Variants in FGGY observed in about 807,000 individuals in gnomAD.
The protein encoded by FGGY is FGGY carbohydrate kinase domain containing.
Under a neutral mutation model 71.3 loss-of-function variants are expected in FGGY, and 72 were observed. The ratio of observed to expected loss-of-function variants is 1.01; its 90% CI spans 0.84 to 1.23. The LOEUF (loss-of-function observed/expected upper bound fraction) is 1.23. Ranked by LOEUF, FGGY falls within the 50% of genes most tolerant of loss-of-function variation. FGGY has a pLI of 0.00. For synonymous variants in FGGY, 251 were observed against 250.3 expected, an observed-to-expected ratio of 1.00 and a Z score of -0.02; for missense variants, 668 against 682.3, an observed-to-expected ratio of 0.98 and a Z score of 0.23.
chr1:59,618,812 G>A (rs981328607), intron 9 of FGGY, among the ~76,000 whole-genome samples: 4 of 151,848 alleles, frequency 2.6e-5, no homozygotes, highest in African/African-American at 9.7e-5. Flanking sequence ...AGTCTCTCAG[G>A]GGCATGGGAG....
At chr1:59,357,139 G>A (rs933216023) in intron 4 of FGGY, among the ~76,000 whole-genome samples, 9 of 152,196 alleles carry the variant, frequency 5.9e-5, no homozygotes, top group East Asian at 5.8e-4. Flanking sequence ...TACACAGAAT[G>A]TTGAGGCTGA....
chr1:59,502,178 C>T (rs1358096872), intron 6 of FGGY, among the ~76,000 whole-genome samples: 1 of 152,192 alleles, frequency 6.6e-6, no homozygotes, highest in Non-Finnish European at 1.5e-5. Flanking sequence ...CAAGCCTGTC[C>T]ACCCCCTAAC....
intron 9 of FGGY, among the ~76,000 whole-genome samples, chr1:59,616,825 T>C (rs1371958405): frequency 6.6e-6 from 1 of 152,092 alleles, no homozygotes; most frequent in Non-Finnish European, 1.5e-5. Flanking sequence ...ATGTATTATC[T>C]AATTAATATT....
At chr1:59,729,052 G>A (rs2097989045) in intron 14 of FGGY, among the ~76,000 whole-genome samples, 1 of 151,938 alleles carries the variant, frequency 6.6e-6, no homozygotes, top group African/African-American at 2.4e-5. Flanking sequence ...TGGGTGTCCT[G>A]GGTGTTTCCC....
chr1:59,707,430 A>AG (rs1305084485), intron 14 of FGGY, among the ~76,000 whole-genome samples: 2 of 152,198 alleles, frequency 1.3e-5, no homozygotes, highest in Non-Finnish European at 2.9e-5. Context: ...TGTGTTTCTC[A>AG]GGGTGAACAG....
At position 59,584,776 on chromosome 1, in the gene FGGY, A is replaced by G. The variant is rs1166726837; in HGVS notation, c.904-23027A>G. Among the ~76,000 whole-genome samples the G allele has an allele frequency of 4.4e-4, 66 of 150,116 alleles. 4 individuals carry two copies. Among genetic ancestry groups the G allele is most frequent in the Non-Finnish European group, 7.8e-4 (53 of 67,940 alleles). ...GAATGTATATCTAGAAAACCCCATC[A>G]TCTCAGCCCAAAATCTCCTTAAGCT... On this transcript the variant is annotated intron_variant, in intron 8 of 15. Transcript: ENST00000303721.
chr1:59,592,503 C>T (rs1240691119), intron 8 of FGGY, among the ~76,000 whole-genome samples: 3 of 152,098 alleles, frequency 2.0e-5, no homozygotes, highest in Non-Finnish European at 1.5e-5. Context: ...TATTGCTGCA[C>T]TATTCACAAT....
chr1:59,563,537 G>T (rs1020913541), intron 8 of FGGY, among the ~76,000 whole-genome samples: 1 of 152,088 alleles, frequency 6.6e-6, no homozygotes, highest in African/African-American at 2.4e-5. Context: ...AAGGAAATAA[G>T]AGAGGACACA....
In FGGY at chr1:59,638,276, G is replaced by GA. The variant is rs1478403158; in HGVS notation, c.1124dup (p.Ala376GlyfsTer10). ...TGAACAGTCACCTGGATCTGATTAA[G>GA]AAGGCTCAGCCTGTGGGTTTCCTTA... On this transcript the variant is annotated frameshift_variant, in exon 11 of 16. Transcript: ENST00000303721. LOFTEE classifies it high-confidence loss of function. 3.1e-6 allele frequency: 5 copies of GA among 1,614,072 alleles called. No homozygotes were observed. The highest frequency in any genetic ancestry group is 4.2e-6 in the Non-Finnish European group (5 of 1,180,036).
At chr1:59,379,848 C>A (rs150444785) in intron 5 of FGGY, among the ~76,000 whole-genome samples, 3,325 of 151,748 alleles carry the variant, frequency 0.022, 110 homozygotes, top group African/African-American at 0.076. Flanking sequence ...TGTGCACAAC[C>A]TGCAGGTTTG....
Position 59,615,647 on chromosome 1 carries a change from A to G in FGGY, c.1011+7737A>G, listed in dbSNP as rs192130823. Among the ~76,000 whole-genome samples, 167 of 152,260 alleles carry G rather than the reference A, an allele frequency of 1.1e-3. 1 individual carries two copies. The highest frequency in any genetic ancestry group is 3.4e-3 in the Middle Eastern group (1 of 294). ...CAACAAAAGCCAAAATTGACAAATG[A>G]GATCTCATTAAACTAAAGAGCTTCT... On this transcript the variant is annotated intron_variant, in intron 9 of 15. Transcript: ENST00000303721.
At chr1:59,591,344 C>T (rs867147862) in intron 8 of FGGY, among the ~76,000 whole-genome samples, 19 of 152,250 alleles carry the variant, frequency 1.2e-4, no homozygotes, top group South Asian at 4.2e-4. Context: ...GAATCAGTAT[C>T]GTGAAAATGG....
intron 6 of FGGY, among the ~76,000 whole-genome samples, chr1:59,473,429 C>G (rs561278294): frequency 7.8e-4 from 119 of 152,296 alleles, no homozygotes; most frequent in African/African-American, 2.8e-3. Flanking sequence ...TAACACTCAC[C>G]GTGAGGGTCC....
rs1261200840 is a variant in FGGY, at chr1:59,582,955, T to C, written c.904-24848T>C. 2.0e-5 allele frequency among the ~76,000 whole-genome samples: 3 copies of C among 147,446 alleles called. 1 individual carries two copies. The highest frequency in any genetic ancestry group is 5.2e-5 in the African/African-American group (2 of 38,150). ...TTGAAGGCTCTCCCATGCTTGAGGA[T>C]CCAAAGGAGTTTACCATTTTGTAAT... On this transcript the variant is annotated intron_variant, in intron 8 of 15. Coordinates refer to ENST00000303721, the MANE Select transcript of FGGY (RefSeq NM_018291.5).
chr1:59,582,822 C>A (rs756501888), intron 8 of FGGY, among the ~76,000 whole-genome samples: 8 of 150,298 alleles, frequency 5.3e-5, no homozygotes, highest in Non-Finnish European at 1.0e-4. Flanking sequence ...CACACAAAGT[C>A]AGCTTTCAGG....
Position 59,456,992 on chromosome 1 carries a change from T to TA in FGGY, c.587dup (p.Tyr196Ter). 1 of 1,614,072 alleles carries TA rather than the reference T, an allele frequency of 6.2e-7. No homozygotes were observed. The change falls in exon 6 of 16, where the codon TAT (tyrosine) becomes TAAT (stop). Residue 196 changes from tyrosine (Y) to a stop codon, truncating the protein, a stop_gained and frameshift_variant. Transcript: ENST00000303721. LOFTEE classifies it high-confidence loss of function. ...SLCSLVCKWT[Y>*]SAEKGWDDSF... Reference sequence around the variant, plus strand: ...CTGCTCCCTGGTGTGTAAGTGGACATATTCAGCAGAGAAAGGCTGGGACGA... The same window carrying TA: ...CTGCTCCCTGGTGTGTAAGTGGACATAATTCAGCAGAGAAAGGCTGGGACGA...
In FGGY at chr1:59,460,827, C is replaced by G. The variant is rs963489777; in HGVS notation, c.670+3751C>G. On this transcript the variant is annotated intron_variant, in intron 6 of 15. Coordinates refer to ENST00000303721, the MANE Select transcript of FGGY (RefSeq NM_018291.5). Reference sequence around the variant, plus strand: ...CAGCAAATTCCACTTTATGAAAATTCCTGCAGCTGAGGAACCTGGCTGTTA... The same window carrying G: ...CAGCAAATTCCACTTTATGAAAATTGCTGCAGCTGAGGAACCTGGCTGTTA... Among the ~76,000 whole-genome samples the G allele has an allele frequency of 3.9e-5, 6 of 152,302 alleles. No individual in the cohort carries two copies. The South Asian group carries it at 8.3e-4, about 21-fold the overall frequency.
At chr1:59,642,625 CAA>C (rs1250512969) in intron 11 of FGGY, among the ~76,000 whole-genome samples, 67 of 57,604 alleles carry the variant, frequency 1.2e-3, no homozygotes, top group African/African-American at 1.9e-3. Context: ...GACTCCGTCT[CAA>C]AAAAAAAAAA....
intron 5 of FGGY, among the ~76,000 whole-genome samples, chr1:59,418,686 C>A (rs968289810): frequency 6.6e-6 from 1 of 152,084 alleles, no homozygotes; most frequent in African/African-American, 2.4e-5. Flanking sequence ...CATTTGAGAA[C>A]AAAAGGATGG....
Sources: gnomAD v4.1 joint callset for allele counts (sites outside exome capture counted in the v4.1 genomes callset) on GRCh38, gnomAD v4.1.1 for gene constraint, MANE v1.5 for transcripts, NCBI Gene and HGNC (gene_info 2026-07-23, HGNC 2026-07-21) for gene names.